Variants in TIMMDC1 observed in about 807,000 individuals in gnomAD.
TIMMDC1 encodes complex I assembly factor TIMMDC1, mitochondrial.
Under a neutral mutation model 32.6 loss-of-function variants are expected in TIMMDC1, and 25 were observed. That is an observed-to-expected ratio of 0.77 (90% CI 0.56 to 1.07). The LOEUF (loss-of-function observed/expected upper bound fraction) is 1.07, where lower values mean the gene tolerates loss of function less well. Among genes scored for constraint, TIMMDC1 ranks in the 50% least tolerant of loss-of-function variants. The pLI is 0.00. For missense variants in TIMMDC1, 329 were observed against 349.2 expected (o/e 0.94, Z 0.46); for synonymous variants, 130 against 127.6 (o/e 1.02, Z -0.13).
At chr3:119,522,551 AAG>A (rs746733064) in intron 6 of TIMMDC1, among the ~76,000 whole-genome samples, 6 of 152,182 alleles carry the variant, frequency 3.9e-5, no homozygotes, top group Non-Finnish European at 7.3e-5. Context: ...AAGTAGCTGG[AAG>A]AGAGGATATT....
intron 2 of TIMMDC1, 73 bp downstream of exon 2, chr3:119,500,933 T>A: frequency 6.8e-7 from 1 of 1,470,858 alleles, no homozygotes; most frequent in Non-Finnish European, 9.3e-7. Context: ...ATCATTCAAT[T>A]AGGTTGTGGG....
chr3:119,498,790 T>C lies in TIMMDC1; in HGVS notation c.57T>C (p.Phe19=), dbSNP rs756534360. ...TTCTCTGTAGAGCATTGTGCCTATT[T>C]CCCCGAGTCTTTGCTGCCGAAGCTG... is the stretch of plus-strand genomic sequence containing the variant. ...RSFLCRALCL[F]PRVFAAEAVT... is the part of the protein sequence containing the mutation. The change falls in exon 1 of 7, where the codon TTT becomes TTC. Residue 19 remains phenylalanine (F), a synonymous_variant. Transcript: ENST00000494664. 1.2e-5 allele frequency: 19 copies of C among 1,614,232 alleles called. No individual in the cohort carries two copies. Among genetic ancestry groups the C allele is most frequent in the Non-Finnish European group, 1.4e-5 (17 of 1,180,036 alleles).
At chr3:119,515,164 G>A (rs1444924422) in intron 5 of TIMMDC1, among the ~76,000 whole-genome samples, 1 of 147,164 alleles carries the variant, frequency 6.8e-6, no homozygotes, top group Non-Finnish European at 1.5e-5. Flanking sequence ...AGCCAAGATC[G>A]CACCATTGCA....
chr3:119,508,133 G>T (rs902667853), intron 4 of TIMMDC1, among the ~76,000 whole-genome samples: 1 of 152,190 alleles, frequency 6.6e-6, no homozygotes, highest in Non-Finnish European at 1.5e-5. Flanking sequence ...CTTCCCCCTT[G>T]CCAGAAGCCT....
In TIMMDC1 at chr3:119,515,903, C is replaced by T. The variant is rs545663165; in HGVS notation, c.597-1302C>T. Among the ~76,000 whole-genome samples, 278 of 152,312 alleles carry T rather than the reference C, an allele frequency of 1.8e-3. 1 individual carries two copies. The highest frequency in any genetic ancestry group is 6.4e-3 in the African/African-American group (264 of 41,562). On this transcript the variant is annotated intron_variant, in intron 5 of 6. Transcript: ENST00000494664. Reference sequence around the variant, plus strand: ...GAAGAGTGCTACCTTCGTCCTCCACCTGTTCACCCCTTTGTCTACCTCCTT... The same window carrying T: ...GAAGAGTGCTACCTTCGTCCTCCACTTGTTCACCCCTTTGTCTACCTCCTT...
intron 4 of TIMMDC1, among the ~76,000 whole-genome samples, chr3:119,504,469 A>T (rs1222592413): frequency 1.3e-5 from 2 of 152,240 alleles, no homozygotes; most frequent in East Asian, 3.8e-4. Context: ...CAGGATAATA[A>T]CGTGGTGAGT....
intron 6 of TIMMDC1, among the ~76,000 whole-genome samples, chr3:119,521,375 T>G (rs1164929426): frequency 6.6e-6 from 1 of 152,052 alleles, no homozygotes. Flanking sequence ...ACCGACATGG[T>G]GAAACCCCAT....
chr3:119,513,762 A>G, intron 5 of TIMMDC1, 43 bp downstream of exon 5: 1 of 1,247,158 alleles, frequency 8.0e-7, no homozygotes, highest in Non-Finnish European at 1.1e-6. Context: ...CACAATTTTC[A>G]TTAATACCTT....
chr3:119,509,135 G>A (rs1357703355), intron 4 of TIMMDC1, among the ~76,000 whole-genome samples: 2 of 152,136 alleles, frequency 1.3e-5, no homozygotes, highest in African/African-American at 4.8e-5. Context: ...GAACCTGGGA[G>A]GCAGAGCTTG....
chr3:119,499,166 T>A (rs2081849260), intron 1 of TIMMDC1, among the ~76,000 whole-genome samples: 1 of 148,722 alleles, frequency 6.7e-6, no homozygotes, highest in Non-Finnish European at 1.5e-5. Context: ...CTATCTCGGC[T>A]CACTGCAACC....
chr3:119,522,248 T>G (rs928521739), intron 6 of TIMMDC1, among the ~76,000 whole-genome samples: 13 of 152,170 alleles, frequency 8.5e-5, no homozygotes, highest in African/African-American at 3.1e-4. Context: ...AATCCTGTCA[T>G]TTGTGGGAAC....
chr3:119,504,568 G>A (rs1056318175), intron 4 of TIMMDC1, among the ~76,000 whole-genome samples: 6 of 152,114 alleles, frequency 3.9e-5, no homozygotes, highest in African/African-American at 7.2e-5. Context: ...TTATTTTAAA[G>A]CTCTCTGCCT....
At chr3:119,502,338 T>G (rs750377958) in intron 2 of TIMMDC1, among the ~76,000 whole-genome samples, 1 of 151,970 alleles carries the variant, frequency 6.6e-6, no homozygotes, top group Non-Finnish European at 1.5e-5. Context: ...CACTCGATTC[T>G]CCTGTCTCAG....
chr3:119,499,096 T>C (rs1457172560), intron 1 of TIMMDC1, among the ~76,000 whole-genome samples, 169 bp downstream of exon 1: 11 of 146,986 alleles, frequency 7.5e-5, no homozygotes, highest in Admixed American at 2.7e-4. Flanking sequence ...TTCTTTCTTT[T>C]TTTTTTTTTT....
chr3:119,516,742 A>G (rs752066296), intron 5 of TIMMDC1, among the ~76,000 whole-genome samples: 4 of 152,112 alleles, frequency 2.6e-5, no homozygotes, highest in Non-Finnish European at 4.4e-5. Context: ...TGGTGGTCCC[A>G]CCCCCAAAAG....
intron 6 of TIMMDC1, 120 bp from the exon 7 acceptor site, chr3:119,523,486 G>T: frequency 1.1e-6 from 1 of 935,584 alleles, no homozygotes. Flanking sequence ...AGCAGTATTT[G>T]CTTCTAAATT....
rs779953541 is a variant in TIMMDC1, at chr3:119,523,643, A to G, written c.745A>G (p.Lys249Glu). ...RLQVTEHLPE[K>E]IESSLQEDEP... ...ACAAGTTACTGAGCACCTCCCTGAG[A>G]AAATTGAAAGTAGTTTACAGGAAGA... The change falls in exon 7 of 7, where the codon AAA (lysine) becomes GAA (glutamate). Residue 249 changes from lysine (K) to glutamate (E), a missense_variant. Physicochemically the swap from Lys to Glu is moderately conservative, Grantham distance 56. Transcript: ENST00000494664. The G allele has an allele frequency of 1.9e-6, 3 of 1,612,866 alleles. No homozygotes were observed. Among genetic ancestry groups the G allele is most frequent in the Non-Finnish European group, 1.7e-6 (2 of 1,179,476 alleles).
chr3:119,499,986 A>AT (rs2081857695), intron 1 of TIMMDC1, among the ~76,000 whole-genome samples: 1 of 152,176 alleles, frequency 6.6e-6, no homozygotes, highest in Admixed American at 6.5e-5. Context: ...CTATGTTGCT[A>AT]TGCTGGATTT....
intron 5 of TIMMDC1, among the ~76,000 whole-genome samples, chr3:119,516,097 G>A (rs537250592): frequency 1.9e-4 from 29 of 152,232 alleles, no homozygotes; most frequent in Non-Finnish European, 3.8e-4. Context: ...ATTTTTTATT[G>A]TGGTAATAAA....
Sources: gnomAD v4.1 joint callset for allele counts (sites outside exome capture counted in the v4.1 genomes callset) on GRCh38, gnomAD v4.1.1 for gene constraint, MANE v1.5 for transcripts, NCBI Gene and HGNC (gene_info 2026-07-23, HGNC 2026-07-21) for gene names.